The following ARHGAP42 variants were observed in gnomAD, a reference collection of about 807,000 sequenced individuals.
ARHGAP42 encodes Rho GTPase activating protein 42.
ARHGAP42 carries 63 observed loss-of-function variants against 125.0 expected under a neutral mutation model. The observed-to-expected ratio is 0.50, with a 90% CI of 0.41 to 0.62. ARHGAP42 has a LOEUF of 0.62. Among genes scored for constraint, ARHGAP42 ranks in the 20% least tolerant of loss-of-function variants. ARHGAP42 has a pLI of 0.00. For synonymous variants in ARHGAP42, 339 were observed against 351.0 expected, an observed-to-expected ratio of 0.97 and a Z score of 0.38; for missense variants, 766 against 1,024.2, an observed-to-expected ratio of 0.75 and a Z score of 3.44.
intron 1 of ARHGAP42, among the ~76,000 whole-genome samples, chr11:100,736,623 C>G (rs1444240867): frequency 6.6e-6 from 1 of 152,166 alleles, no homozygotes; most frequent in Non-Finnish European, 1.5e-5. Context: ...AAACAATACT[C>G]TGGTAGCACC....
At chr11:100,744,204 C>T (rs1182666781) in intron 1 of ARHGAP42, among the ~76,000 whole-genome samples, 1 of 152,106 alleles carries the variant, frequency 6.6e-6, no homozygotes, top group African/African-American at 2.4e-5. Flanking sequence ...CTCCTGACCT[C>T]GTGATCCACC....
At chr11:100,954,025 G>A (rs1193477702) in intron 12 of ARHGAP42, among the ~76,000 whole-genome samples, 1 of 52,648 alleles carries the variant, frequency 1.9e-5, no homozygotes, top group Non-Finnish European at 4.0e-5. Context: ...TACATTTTAT[G>A]ACATACCTTT....
chr11:100,886,150 A>G (rs1434017061), intron 4 of ARHGAP42, among the ~76,000 whole-genome samples: 2 of 152,220 alleles, frequency 1.3e-5, no homozygotes, highest in Non-Finnish European at 2.9e-5. Context: ...GTTCATAGCT[A>G]TCTCTTTAGA....
At position 100,943,780 on chromosome 11, in the gene ARHGAP42, C is replaced by T. The variant is rs1417768893; in HGVS notation, c.955C>T (p.Pro319Ser). ...GKMNGLVTSS[P>S]EMFKLKSCIR... ...TCAGAATGGCCTTGTTACTAGCTCA[C>T]CGGAAATGTTTAAATTAAAATCTTG... The change falls in exon 10 of 24, where the codon CCG (proline) becomes TCG (serine). Residue 319 changes from proline (P) to serine (S), a missense_variant. Transcript: ENST00000298815. 3.2e-6 allele frequency: 5 copies of T among 1,549,360 alleles called. No homozygotes were observed. In the East Asian group the frequency reaches 1.2e-4, roughly 38 times the overall value.
In ARHGAP42 at chr11:100,820,082, A is replaced by G. The variant is rs574722432; in HGVS notation, c.312+24916A>G. 3.3e-5 allele frequency among the ~76,000 whole-genome samples: 5 copies of G among 152,240 alleles called. No individual in the cohort carries two copies. In the South Asian group the frequency reaches 1.0e-3, roughly 32 times the overall value. The stretch of plus-strand genomic sequence containing the variant: ...AAATATGAAAAGGTAAAGCATAATA[A>G]AGGCTTGGGTTTCATATTATTTCGG... On this transcript the variant is annotated intron_variant, in intron 3 of 23. Transcript: ENST00000298815.
chr11:100,903,709 A>AAAAAAAAAAAAATATATAT (rs1332890022), intron 4 of ARHGAP42, among the ~76,000 whole-genome samples: 1 of 63,504 alleles, frequency 1.6e-5, no homozygotes, highest in African/African-American at 6.8e-5. Flanking sequence ...TGTCCCTCAA[A>AAAAAAAAAAAAATATATAT]ATATATATAT....
At chr11:100,972,566 A>C (rs908082453) in intron 17 of ARHGAP42, among the ~76,000 whole-genome samples, 3 of 148,414 alleles carry the variant, frequency 2.0e-5, no homozygotes, top group African/African-American at 7.3e-5. Flanking sequence ...AAGAGAAAGA[A>C]AAGAAACATG....
intron 19 of ARHGAP42, 35 bp from the exon 20 acceptor site, chr11:100,976,022 C>A: frequency 6.8e-7 from 1 of 1,463,980 alleles, no homozygotes. Flanking sequence ...TAGATAGTTA[C>A]AGTTGCTTTC....
intron 1 of ARHGAP42, among the ~76,000 whole-genome samples, chr11:100,746,944 G>A (rs907505962): frequency 6.6e-6 from 1 of 152,152 alleles, no homozygotes; most frequent in African/African-American, 2.4e-5. Flanking sequence ...ACTTGGGTGT[G>A]ATGTGTCCAT....
At chr11:100,836,633 T>G (rs758737883) in intron 3 of ARHGAP42, among the ~76,000 whole-genome samples, 93 of 152,078 alleles carry the variant, frequency 6.1e-4, no homozygotes, top group Non-Finnish European at 9.4e-4. Context: ...GTATCCAAGC[T>G]TTTGTTGTTT....
chr11:100,762,371 A>G (rs1370635588), intron 1 of ARHGAP42, among the ~76,000 whole-genome samples: 1 of 152,146 alleles, frequency 6.6e-6, no homozygotes, highest in Non-Finnish European at 1.5e-5. Context: ...TCAGGGCTCC[A>G]CTGTTCTCTG....
In ARHGAP42 at chr11:100,735,996, G is replaced by A. The variant is rs542951800; in HGVS notation, c.155-34347G>A. 2.0e-5 allele frequency among the ~76,000 whole-genome samples: 3 copies of A among 152,256 alleles called. No individual in the cohort carries two copies. In the South Asian group the frequency reaches 6.2e-4, roughly 32 times the overall value. ...TAGGTAATGTAGTCATATGTACTGTGTTCAGAAATCAAGAGAGTAAAAGGA... is the reference window on the plus strand; with the variant it reads ...TAGGTAATGTAGTCATATGTACTGTATTCAGAAATCAAGAGAGTAAAAGGA... On this transcript the variant is annotated intron_variant, in intron 1 of 23. Coordinates refer to ENST00000298815, the MANE Select transcript of ARHGAP42 (RefSeq NM_152432.4).
intron 4 of ARHGAP42, among the ~76,000 whole-genome samples, chr11:100,910,114 C>G (rs1397689962): frequency 6.6e-6 from 1 of 152,100 alleles, no homozygotes; most frequent in African/African-American, 2.4e-5. Flanking sequence ...CCAAATGTAG[C>G]TTACTTTTCA....
At chr11:100,757,093 G>A (rs1318700524) in intron 1 of ARHGAP42, among the ~76,000 whole-genome samples, 4 of 152,118 alleles carry the variant, frequency 2.6e-5, no homozygotes, top group African/African-American at 4.8e-5. Flanking sequence ...GTTACGTGGT[G>A]AGAATATAGG....
At chr11:100,955,848 G>A (rs1373733411) in intron 12 of ARHGAP42, among the ~76,000 whole-genome samples, 2 of 151,988 alleles carry the variant, frequency 1.3e-5, no homozygotes, top group African/African-American at 4.8e-5. Context: ...AAGAGGACAC[G>A]TTTTAGTTGA....
intron 2 of ARHGAP42, among the ~76,000 whole-genome samples, chr11:100,790,917 C>T (rs1289869745): frequency 4.6e-5 from 7 of 151,984 alleles, no homozygotes; most frequent in East Asian, 1.9e-4. Context: ...AAATAAAATA[C>T]GAGGTATTAC....
At chr11:100,797,302 A>C (rs1863740567) in intron 3 of ARHGAP42, among the ~76,000 whole-genome samples, 1 of 152,236 alleles carries the variant, frequency 6.6e-6, no homozygotes, top group Non-Finnish European at 1.5e-5. Context: ...CAATGTAGAC[A>C]AAACAGCCTT....
intron 1 of ARHGAP42, among the ~76,000 whole-genome samples, chr11:100,713,497 G>A (rs1861598591): frequency 6.6e-6 from 1 of 152,104 alleles, no homozygotes. Flanking sequence ...TTAAATATGG[G>A]ATAACTATCT....
chr11:100,921,625 T>C (rs1198894244), intron 6 of ARHGAP42, 21 bp downstream of exon 6: 2 of 1,422,432 alleles, frequency 1.4e-6, no homozygotes, highest in Non-Finnish European at 1.9e-6. Context: ...GATTTTTGTA[T>C]AAATGGTGGG....
Sources: allele counts gnomAD v4.1 joint callset (sites outside exome capture counted in the v4.1 genomes callset), GRCh38; gene constraint gnomAD v4.1.1; transcripts MANE v1.5; gene names NCBI Gene and HGNC (gene_info 2026-07-23, HGNC 2026-07-21).